PDCD6: variants seen among roughly 807,000 people sequenced by gnomAD.
PDCD6 encodes programmed cell death protein 6.
In PDCD6, 12 loss-of-function variants were observed where a neutral mutation model predicts 28.3. That is an observed-to-expected ratio of 0.42 (90% CI 0.27 to 0.69). The LOEUF (loss-of-function observed/expected upper bound fraction) is 0.69, where lower values mean the gene tolerates loss of function less well. PDCD6 is among the 30% of genes least tolerant of loss of function. PDCD6 has a pLI of 0.22. For synonymous variants in PDCD6, 92 were observed against 108.0 expected (o/e 0.85, Z 0.92); for missense variants, 226 against 269.9 (o/e 0.84, Z 1.14).
intron 2 of PDCD6, among the ~76,000 whole-genome samples, chr5:286,315 A>C (rs1295875370): frequency 1.3e-5 from 2 of 151,770 alleles, no homozygotes; most frequent in Non-Finnish European, 2.9e-5. Flanking sequence ...AGGGCCATGC[A>C]GCTGGAGACC....
At chr5:289,643 A>G (rs113698746) in intron 2 of PDCD6, 26,023 of 1,114,044 alleles carry the variant, frequency 0.023, 669 homozygotes, top group Middle Eastern at 0.032. Context: ...TTATTTTTCA[A>G]AGGGCTCACT....
At chr5:294,704 A>C (rs1739498496) in intron 2 of PDCD6, among the ~76,000 whole-genome samples, 1 of 152,244 alleles carries the variant, frequency 6.6e-6, no homozygotes. Flanking sequence ...AACGTCCCCC[A>C]AGAGAAAACT....
chr5:292,286 TCTCA>T (rs1444330053), intron 2 of PDCD6, among the ~76,000 whole-genome samples: 5 of 152,196 alleles, frequency 3.3e-5, no homozygotes, highest in East Asian at 1.9e-4. Context: ...TGAGACAGAG[TCTCA>T]CTCTGTTGCC....
At chr5:292,099 T>C (rs1739348413) in intron 2 of PDCD6, among the ~76,000 whole-genome samples, 1 of 152,182 alleles carries the variant, frequency 6.6e-6, no homozygotes, top group Non-Finnish European at 1.5e-5. Context: ...TTTTTGCCCA[T>C]CTGGTGGGTG....
intron 2 of PDCD6, chr5:276,099 C>T (rs1345604749): frequency 3.8e-6 from 4 of 1,041,876 alleles, no homozygotes; most frequent in Admixed American, 2.3e-5. Flanking sequence ...TGTAGTGGTG[C>T]ACGCCTGTAT....
At chr5:313,225 A>G (rs952538046) in intron 5 of PDCD6, among the ~76,000 whole-genome samples, 1 of 152,246 alleles carries the variant, frequency 6.6e-6, no homozygotes, top group African/African-American at 2.4e-5. Flanking sequence ...ATTCCCTCAA[A>G]AACGTTTTTA....
chr5:289,254 T>G (rs1209520371), intron 2 of PDCD6: 5 of 570,234 alleles, frequency 8.8e-6, no homozygotes, highest in Non-Finnish European at 1.5e-5. Context: ...CAAATCACAT[T>G]CCCTGAAATT....
intron 3 of PDCD6, chr5:304,552 T>G (rs1740344643): frequency 6.4e-6 from 1 of 157,448 alleles, no homozygotes. Flanking sequence ...TAGACATTGC[T>G]TATTTATTTT....
At chr5:284,821 A>AC (rs962323484) in intron 2 of PDCD6, among the ~76,000 whole-genome samples, 1 of 149,458 alleles carries the variant, frequency 6.7e-6, no homozygotes, top group African/African-American at 2.5e-5. Flanking sequence ...ACAACTGGAG[A>AC]CCCGGGGGGG....
At chr5:298,620 C>G (rs1462207877) in intron 2 of PDCD6, among the ~76,000 whole-genome samples, 1 of 133,024 alleles carries the variant, frequency 7.5e-6, no homozygotes, top group Non-Finnish European at 1.7e-5. Context: ...GCCAGCGGAC[C>G]CTGCCCCCAC....
intron 2 of PDCD6, among the ~76,000 whole-genome samples, chr5:279,598 G>C (rs58397954): frequency 0.098 from 14,906 of 151,912 alleles, 2,367 homozygotes; most frequent in African/African-American, 0.33. Flanking sequence ...CCCAGCAACA[G>C]GGAAGGCATT....
intron 2 of PDCD6, among the ~76,000 whole-genome samples, chr5:277,711 G>A (rs1452016584): frequency 6.6e-6 from 1 of 152,060 alleles, no homozygotes; most frequent in Non-Finnish European, 1.5e-5. Flanking sequence ...TGGGATTACG[G>A]GCGTGAGCCA....
intron 2 of PDCD6, among the ~76,000 whole-genome samples, chr5:285,478 C>G (rs1738891415): frequency 1.3e-5 from 2 of 150,960 alleles, no homozygotes; most frequent in South Asian, 4.2e-4. Flanking sequence ...CGGCGGGGAG[C>G]TCATATTCCA....
chr5:298,824 C>T (rs1579522665), intron 2 of PDCD6, among the ~76,000 whole-genome samples: 2 of 30,626 alleles, frequency 6.5e-5, no homozygotes, highest in South Asian at 3.5e-3. Flanking sequence ...TGCTCCCCCC[C>T]AGCTGCTCCC....
In PDCD6 at chr5:310,017, C is replaced by G. The variant is rs9686960; in HGVS notation, c.368-1276C>G. 0.014 allele frequency: 3,092 copies of G among 216,324 alleles called. 378 individuals carry two copies. In the African/African-American group the frequency reaches 0.17, roughly 12 times the overall value. The allele number at this position is 216,324 out of a possible 1,614,324, so 13.4% of individuals were successfully genotyped here. A position where few individuals can be genotyped will look rare whatever the true frequency, so the allele number is the denominator to read the frequency against. On this transcript the variant is annotated intron_variant, in intron 4 of 5. Transcript: ENST00000264933. The stretch of plus-strand genomic sequence containing the variant: ...CGTGCACCCCAGTGATGGCCGCCGT[C>G]CCCGTGCACACCAGTGATGGCCTCT...
intron 2 of PDCD6, among the ~76,000 whole-genome samples, chr5:287,350 C>T (rs1160990133): frequency 2.6e-5 from 4 of 152,092 alleles, no homozygotes; most frequent in African/African-American, 9.7e-5. Flanking sequence ...TTCAGGACGC[C>T]ACTTGAAACT....
In PDCD6 at chr5:314,853, G is replaced by C. The variant is rs1184489981; in HGVS notation, c.*338G>C. ...TGCAAATGCTTTTATTAGCCAATAG[G>C]AATTTTAAAATAACATGGAACTTAC... On this transcript the variant is annotated 3_prime_UTR_variant, in exon 6 of 6. Transcript: ENST00000264933. 4 of 378,462 alleles carry C rather than the reference G, an allele frequency of 1.1e-5. No homozygotes were observed. The Admixed American group carries it at 1.6e-4, about 15-fold the overall frequency. 23.4% of individuals were successfully genotyped at this position (378,462 alleles called of 1,614,324 possible).
rs933995029 is a variant in PDCD6 at position 276,144 on chromosome 5, A to C, written c.163+3372A>C. On this transcript the variant is annotated intron_variant, in intron 2 of 5. Transcript: ENST00000264933. ...CTTGGGAGGCTGAGATGGGAAGATCACTTGAGCCTGGGAGGTTGAGGCTGC... is the reference window on the plus strand; with the variant it reads ...CTTGGGAGGCTGAGATGGGAAGATCCCTTGAGCCTGGGAGGTTGAGGCTGC... The C allele has an allele frequency of 3.3e-6, 3 of 914,008 alleles. No homozygotes were observed. The African/African-American group carries it at 5.2e-5, about 16-fold the overall frequency. 56.6% of individuals were successfully genotyped at this position (914,008 alleles called of 1,614,324 possible). A position where few individuals can be genotyped will look rare whatever the true frequency, so the allele number is the denominator to read the frequency against.
At chr5:312,406 G>A (rs995093544) in intron 5 of PDCD6, 4 of 152,200 alleles carry the variant, frequency 2.6e-5, no homozygotes, top group Admixed American at 6.5e-5. Context: ...AAATAATGTG[G>A]AAATTTGGAA....
Sources: gnomAD v4.1 joint callset for allele counts (sites outside exome capture counted in the v4.1 genomes callset) on GRCh38, gnomAD v4.1.1 for gene constraint, MANE v1.5 for transcripts, NCBI Gene and HGNC (gene_info 2026-07-23, HGNC 2026-07-21) for gene names.